Variants in ADAMTSL3 observed in about 807,000 individuals in gnomAD.
ADAMTSL3 encodes ADAMTS-like protein 3.
A neutral mutation model predicts 201.7 loss-of-function variants in ADAMTSL3; 128 were observed. The ratio of observed to expected loss-of-function variants is 0.63; its 90% CI spans 0.55 to 0.73. The LOEUF (loss-of-function observed/expected upper bound fraction) is 0.73. Ranked by LOEUF, ADAMTSL3 falls within the 30% of genes least tolerant of loss-of-function variation. The probability of loss-of-function intolerance (pLI) is 0.00; values close to 1 mark genes in which losing one functional copy is unlikely to be tolerated. For synonymous variants in ADAMTSL3, 738 were observed against 748.4 expected, an observed-to-expected ratio of 0.99 and a Z score of 0.23; for missense variants, 1,990 against 2,119.6, an observed-to-expected ratio of 0.94 and a Z score of 1.20.
intron 3 of ADAMTSL3, among the ~76,000 whole-genome samples, chr15:83,749,304 G>C (rs1299595197): frequency 6.6e-6 from 1 of 152,198 alleles, no homozygotes; most frequent in Non-Finnish European, 1.5e-5. Flanking sequence ...CCCTCAGAGA[G>C]ATGCCTTCCT....
At chr15:84,012,534 T>A (rs1391541902) in intron 23 of ADAMTSL3, among the ~76,000 whole-genome samples, 1 of 152,170 alleles carries the variant, frequency 6.6e-6, no homozygotes, top group African/African-American at 2.4e-5. Context: ...TCTCCTACTT[T>A]CTCTTTCTCC....
At chr15:83,917,419 GTATGTA>G (rs1261347100) in intron 16 of ADAMTSL3, among the ~76,000 whole-genome samples, 3 of 148,648 alleles carry the variant, frequency 2.0e-5, no homozygotes, top group African/African-American at 7.7e-5. Flanking sequence ...CAAAGTGTGT[GTATGTA>G]TGTATGTATG....
chr15:83,973,482 G>C (rs7168806), intron 20 of ADAMTSL3, among the ~76,000 whole-genome samples: 8,139 of 152,110 alleles, frequency 0.054, 751 homozygotes, highest in African/African-American at 0.19. Context: ...TTGGTGGGTT[G>C]GTTCCCTAGC....
intron 17 of ADAMTSL3, among the ~76,000 whole-genome samples, chr15:83,929,586 A>G (rs2066313227): frequency 6.6e-6 from 1 of 152,040 alleles, no homozygotes; most frequent in African/African-American, 2.4e-5. Flanking sequence ...TAACTTCCAC[A>G]TCTTTTGTGG....
chr15:83,902,903 CAG>C (rs1238983632), intron 15 of ADAMTSL3, among the ~76,000 whole-genome samples: 1 of 152,084 alleles, frequency 6.6e-6, no homozygotes, highest in African/African-American at 2.4e-5. Context: ...GAGGAGAAAA[CAG>C]TGTAATGAAC....
At chr15:84,004,257 A>C (rs2067851813) in intron 23 of ADAMTSL3, among the ~76,000 whole-genome samples, 1 of 152,176 alleles carries the variant, frequency 6.6e-6, no homozygotes, top group African/African-American at 2.4e-5. Flanking sequence ...ACACCACAAC[A>C]TCTCCCCAGC....
chr15:83,977,344 A>G (rs1233379334), intron 20 of ADAMTSL3, among the ~76,000 whole-genome samples: 1 of 152,182 alleles, frequency 6.6e-6, no homozygotes, highest in Non-Finnish European at 1.5e-5. Context: ...GGTTTAGATT[A>G]TGATCATTTA....
intron 3 of ADAMTSL3, among the ~76,000 whole-genome samples, chr15:83,705,838 T>G (rs1351974725): frequency 6.6e-6 from 1 of 152,126 alleles, no homozygotes; most frequent in African/African-American, 2.4e-5. Flanking sequence ...GCCACACTGG[T>G]CATTGGGGCA....
chr15:83,746,564 G>C (rs2062550898), intron 3 of ADAMTSL3, among the ~76,000 whole-genome samples: 1 of 152,128 alleles, frequency 6.6e-6, no homozygotes, highest in Admixed American at 6.5e-5. Flanking sequence ...ATCAACTGCG[G>C]TCTATTGCTC....
At chr15:83,958,906 A>G (rs2066905798) in intron 19 of ADAMTSL3, among the ~76,000 whole-genome samples, 1 of 152,196 alleles carries the variant, frequency 6.6e-6, no homozygotes, top group South Asian at 2.1e-4. Flanking sequence ...AGAAAGTGTA[A>G]TAAGCAAAAT....
rs372156474 is a variant in ADAMTSL3, at chr15:84,030,412, A to G, written c.4657-923A>G. Among the ~76,000 whole-genome samples the G allele has an allele frequency of 1.7e-4, 26 of 152,200 alleles. No individual in the cohort carries two copies. In the East Asian group the frequency reaches 2.5e-3, roughly 15 times the overall value. Reference sequence around the variant, plus strand: ...GAGACATGGGGTCAAAGGAGATCATATCGGAACTTTAAGATTTGACTGCCC... The same window carrying G: ...GAGACATGGGGTCAAAGGAGATCATGTCGGAACTTTAAGATTTGACTGCCC... On this transcript the variant is annotated intron_variant, in intron 27 of 29. Coordinates refer to ENST00000286744, the MANE Select transcript of ADAMTSL3 (RefSeq NM_207517.3).
At position 84,021,609 on chromosome 15, in the gene ADAMTSL3, C is replaced by G. The variant is rs754533255; in HGVS notation, c.4457+16C>G. On this transcript the variant is annotated intron_variant, in intron 26 of 29. Coordinates refer to ENST00000286744, the MANE Select transcript of ADAMTSL3 (RefSeq NM_207517.3). The stretch of plus-strand genomic sequence containing the variant: ...GCCCAGCGAGGTAAGTGAAGTCACT[C>G]TTTGTATCTCATCAACACCAAGTTT... 4.3e-6 allele frequency: 7 copies of G among 1,609,904 alleles called. No individual in the cohort carries two copies. In the Admixed American group the frequency reaches 1.2e-4, roughly 27 times the overall value.
chr15:84,025,366 C>T lies in ADAMTSL3; in HGVS notation c.4586C>T (p.Pro1529Leu). The change falls in exon 27 of 30, where the codon CCT becomes CTT. Residue 1529 changes from proline to leucine, a missense_variant. By Grantham distance (98) the Pro-to-Leu change is moderately conservative. Coordinates refer to ENST00000286744, the MANE Select transcript of ADAMTSL3 (RefSeq NM_207517.3). ...GTGGTGTCTCCAAGAGCATGTGCCC[C>T]TAAAGACCGGCCTCTGGGAAGAAAA... ...VQVVSPRACA[P>L]KDRPLGRKPC... 6.2e-7 allele frequency: 1 copy of T among 1,614,134 alleles called. No individual in the cohort carries two copies.
At position 83,838,183 on chromosome 15, in the gene ADAMTSL3, G is replaced by A; in HGVS notation, c.695G>A (p.Gly232Glu). 1 of 1,613,156 alleles carries A rather than the reference G, an allele frequency of 6.2e-7. No individual in the cohort carries two copies. Among genetic ancestry groups the A allele is most frequent in the Non-Finnish European group, 8.5e-7 (1 of 1,179,630 alleles). Residue 232 changes from glycine to glutamate, a missense_variant, in exon 7 of 30, where the codon GGA becomes GAA. Gly to Glu is a moderately conservative substitution (Grantham distance 98). Coordinates refer to ENST00000286744, the MANE Select transcript of ADAMTSL3 (RefSeq NM_207517.3). ...GGCTCCACCTGCAGGCTTGTACGGG[G>A]ACAATCAAAGTCACACGTTTCTCCT... Reference protein sequence around the residue: ...GDGSTCRLVRGQSKSHVSPEK... With the variant: ...GDGSTCRLVREQSKSHVSPEK...
chr15:83,809,956 C>T (rs1228410294), intron 5 of ADAMTSL3, among the ~76,000 whole-genome samples: 2 of 151,952 alleles, frequency 1.3e-5, no homozygotes, highest in East Asian at 3.9e-4. Flanking sequence ...GGTGGGTAGG[C>T]CCCCGAGTTC....
At chr15:83,730,245 A>T (rs1057073992) in intron 3 of ADAMTSL3, among the ~76,000 whole-genome samples, 2 of 152,126 alleles carry the variant, frequency 1.3e-5, no homozygotes, top group African/African-American at 4.8e-5. Context: ...GAAACATGGA[A>T]CATTATAGAA....
intron 17 of ADAMTSL3, among the ~76,000 whole-genome samples, chr15:83,938,297 C>T (rs2066495992): frequency 6.6e-6 from 1 of 152,086 alleles, no homozygotes; most frequent in South Asian, 2.1e-4. Context: ...GGTGGTGGGC[C>T]ACTGCTGGTC....
intron 7 of ADAMTSL3, among the ~76,000 whole-genome samples, chr15:83,845,538 C>A (rs7162542): frequency 6.6e-6 from 1 of 152,014 alleles, no homozygotes; most frequent in African/African-American, 2.4e-5. Flanking sequence ...TCACTTACTG[C>A]GACCTCAACT....
At chr15:83,967,009 C>T (rs1430860708) in intron 19 of ADAMTSL3, among the ~76,000 whole-genome samples, 4 of 152,128 alleles carry the variant, frequency 2.6e-5, no homozygotes, top group African/African-American at 9.7e-5. Flanking sequence ...TCTCAATAAA[C>T]TAGGTATTGA....
Sources: gnomAD v4.1 joint callset for allele counts (sites outside exome capture counted in the v4.1 genomes callset) on GRCh38, gnomAD v4.1.1 for gene constraint, MANE v1.5 for transcripts, NCBI Gene and HGNC (gene_info 2026-07-23, HGNC 2026-07-21) for gene names.